Variants in SDK1 observed in about 807,000 individuals in gnomAD.
SDK1 encodes the protein sidekick cell adhesion molecule 1, also known as protein sidekick-1.
A neutral mutation model predicts 245.5 loss-of-function variants in SDK1; 157 were observed. The ratio of observed to expected loss-of-function variants is 0.64; its 90% confidence interval spans 0.56 to 0.73. The LOEUF is 0.73. Among genes scored for constraint, SDK1 ranks in the 30% least tolerant of loss-of-function variants. The pLI is 0.00. For synonymous variants in SDK1, 1,647 were observed against 1,278.5 expected (o/e 1.29, Z -6.15); for missense variants, 3,583 against 3,002.3 (o/e 1.19, Z -4.52).
At chr7:3,428,674 G>T (rs1779744739) in intron 1 of SDK1, among the ~76,000 whole-genome samples, 1 of 152,144 alleles carries the variant, frequency 6.6e-6, no homozygotes. Context: ...AGACTGCCAA[G>T]ATTTGCATAA....
At chr7:3,474,100 T>TTTTTTTC (rs1483559578) in intron 1 of SDK1, among the ~76,000 whole-genome samples, 7 of 126,080 alleles carry the variant, frequency 5.6e-5, no homozygotes, top group African/African-American at 2.2e-4. Flanking sequence ...TGTTTTTTTT[T>TTTTTTTC]TTTTTTTTTT....
rs183157483 is a variant in SDK1 at position 3,735,555 on chromosome 7, C to G, written c.714-85895C>G. Among the ~76,000 whole-genome samples the G allele has an allele frequency of 1.2e-3, 181 of 152,294 alleles. 1 individual carries two copies. Among genetic ancestry groups the G allele is most frequent in the African/African-American group, 4.2e-3 (175 of 41,554 alleles). On this transcript the variant is annotated intron_variant, in intron 4 of 44. Transcript: ENST00000404826. ...GATGCATAGGGCACGGTGTGTTTAC[C>G]TGTTTATCCCTCCACAGACACTAAG...
At chr7:3,332,539 T>C (rs986612440) in intron 1 of SDK1, among the ~76,000 whole-genome samples, 1 of 152,156 alleles carries the variant, frequency 6.6e-6, no homozygotes, top group African/African-American at 2.4e-5. Flanking sequence ...TAATGGAGTC[T>C]GTTATCTATT....
rs140838185 is a variant in SDK1, at chr7:4,259,242, C to A, written c.6382-5882C>A. Among the ~76,000 whole-genome samples the A allele has an allele frequency of 5.1e-3, 783 of 152,238 alleles. 4 individuals carry two copies. The highest frequency in any genetic ancestry group is 0.018 in the African/African-American group (734 of 41,550). On this transcript the variant is annotated intron_variant, in intron 44 of 44. Transcript: ENST00000404826. ...TCAGCTGAGGTCAGGAGTTCGAGACCAGCCTGGCCAACACGGTGAAACCCC... is the reference window on the plus strand; with the variant it reads ...TCAGCTGAGGTCAGGAGTTCGAGACAAGCCTGGCCAACACGGTGAAACCCC...
chr7:3,673,653 G>C (rs1175859774), intron 4 of SDK1, among the ~76,000 whole-genome samples: 1 of 152,094 alleles, frequency 6.6e-6, no homozygotes, highest in Non-Finnish European at 1.5e-5. Flanking sequence ...TAATGCATTA[G>C]GTAGTTTCGT....
chr7:3,347,613 A>G (rs987329826), intron 1 of SDK1, among the ~76,000 whole-genome samples: 9 of 152,142 alleles, frequency 5.9e-5, no homozygotes, highest in African/African-American at 2.2e-4. Flanking sequence ...CACTAGAACA[A>G]TATTTCCCTG....
At chr7:3,775,571 T>C (rs1253271469) in intron 4 of SDK1, among the ~76,000 whole-genome samples, 2 of 150,472 alleles carry the variant, frequency 1.3e-5, no homozygotes, top group Admixed American at 1.3e-4. Flanking sequence ...ACCTCTTTTT[T>C]TTTCTTTTTT....
intron 5 of SDK1, among the ~76,000 whole-genome samples, chr7:3,843,820 T>A (rs1780214828): frequency 6.6e-6 from 1 of 152,026 alleles, no homozygotes; most frequent in Non-Finnish European, 1.5e-5. Flanking sequence ...CTCTAAACTT[T>A]TGTTTGATGA....
At chr7:3,400,418 C>A (rs1056121460) in intron 1 of SDK1, among the ~76,000 whole-genome samples, 2 of 152,026 alleles carry the variant, frequency 1.3e-5, no homozygotes, top group African/African-American at 4.8e-5. Context: ...TGAGAGTGCC[C>A]CCAACTTCGA....
chr7:4,225,759 TG>T (rs1448699621), intron 40 of SDK1, among the ~76,000 whole-genome samples: 1 of 152,090 alleles, frequency 6.6e-6, no homozygotes, highest in East Asian at 1.9e-4. Context: ...TCAGCAGGGT[TG>T]GGGCCAGTGT....
intron 4 of SDK1, among the ~76,000 whole-genome samples, chr7:3,679,399 T>A (rs929125524): frequency 7.9e-5 from 12 of 152,112 alleles, no homozygotes. Context: ...ACCCCGTCTC[T>A]ACTAAAAATA....
intron 22 of SDK1, among the ~76,000 whole-genome samples, chr7:4,102,595 A>C (rs1782628103): frequency 6.6e-6 from 1 of 152,082 alleles, no homozygotes. Context: ...CTCTCCTCTG[A>C]GCAGCCATTG....
intron 7 of SDK1, chr7:3,952,132 C>G: frequency 1.8e-6 from 1 of 561,298 alleles, no homozygotes; most frequent in East Asian, 3.2e-5. Context: ...TCAATCCTTC[C>G]AAGAAACGTC....
At chr7:3,973,547 T>G (rs1460635540) in intron 12 of SDK1, among the ~76,000 whole-genome samples, 1 of 152,176 alleles carries the variant, frequency 6.6e-6, no homozygotes, top group Non-Finnish European at 1.5e-5. Flanking sequence ...TGGTCACATT[T>G]TAAGAAAGTG....
chr7:3,669,855 G>T (rs1783642424), intron 4 of SDK1, among the ~76,000 whole-genome samples: 1 of 152,160 alleles, frequency 6.6e-6, no homozygotes, highest in African/African-American at 2.4e-5. Context: ...GTTGAAAACA[G>T]AACTCTTTTT....
At chr7:4,093,767 C>T (rs12701401) in intron 22 of SDK1, among the ~76,000 whole-genome samples, 43,918 of 152,104 alleles carry the variant, frequency 0.29, 7,859 homozygotes, top group African/African-American at 0.5. Flanking sequence ...CACGCTGTGC[C>T]GAGGGACCGG....
chr7:3,600,527 G>A (rs542501811), intron 1 of SDK1, among the ~76,000 whole-genome samples: 11 of 148,166 alleles, frequency 7.4e-5, no homozygotes, highest in Non-Finnish European at 1.2e-4. Flanking sequence ...GTCTTTAACT[G>A]TGTTAAGTGT....
intron 1 of SDK1, among the ~76,000 whole-genome samples, chr7:3,608,602 A>C (rs1178427884): frequency 6.6e-6 from 1 of 152,116 alleles, no homozygotes; most frequent in East Asian, 1.9e-4. Flanking sequence ...CTGATGAGAT[A>C]GGTAGCTGTG....
intron 4 of SDK1, among the ~76,000 whole-genome samples, chr7:3,660,617 A>T (rs1029735535): frequency 2.0e-5 from 3 of 152,182 alleles, no homozygotes; most frequent in Non-Finnish European, 2.9e-5. Flanking sequence ...ACATAACCAT[A>T]AATTAGAAAG....
Sources: gnomAD v4.1 joint callset for allele counts (sites outside exome capture counted in the v4.1 genomes callset) on GRCh38, gnomAD v4.1.1 for gene constraint, MANE v1.5 for transcripts, NCBI Gene and HGNC (gene_info 2026-07-23, HGNC 2026-07-21) for gene names.